COBL: variants seen among roughly 807,000 people sequenced by gnomAD.
The protein encoded by COBL is cordon-bleu WH2 repeat protein.
In COBL, 51 loss-of-function variants were observed where a neutral mutation model predicts 98.8. The observed-to-expected ratio is 0.52, with a 90% CI of 0.41 to 0.65. The LOEUF (loss-of-function observed/expected upper bound fraction) is 0.65. Ranked by LOEUF, COBL falls within the 30% of genes least tolerant of loss-of-function variation. The pLI, the probability that COBL is intolerant of heterozygous loss-of-function variation, is 0.00. For missense variants in COBL, 1,617 were observed against 1,617.5 expected, an observed-to-expected ratio of 1.00 and a Z score of 0.01; for synonymous variants, 634 against 651.7, an observed-to-expected ratio of 0.97 and a Z score of 0.41.
At chr7:51,092,387 T>C (rs1583763062) in intron 6 of COBL, among the ~76,000 whole-genome samples, 2 of 152,334 alleles carry the variant, frequency 1.3e-5, no homozygotes, top group East Asian at 3.9e-4. Flanking sequence ...CTCTATGTTT[T>C]CTTCTAGTAG....
rs550246678 is a variant in COBL at position 51,072,726 on chromosome 7, T to C, written c.1096+12440A>G. The C allele has an allele frequency of 2.0e-5, 3 of 152,270 alleles. No homozygotes were observed. The East Asian group carries it at 5.8e-4, about 29-fold the overall frequency. The allele number at this position is 152,270 out of a possible 1,614,324, so 9.4% of individuals were successfully genotyped here. ...GAGAATCATAATATAGAATAATGAA[T>C]AGAACACCCTTCTTCTCCCACTTCT... On this transcript the variant is annotated intron_variant, in intron 7 of 12. Coordinates refer to ENST00000265136, the MANE Select transcript of COBL (RefSeq NM_015198.5).
chr7:51,089,930 C>T (rs1047868915), intron 6 of COBL, among the ~76,000 whole-genome samples: 1 of 152,028 alleles, frequency 6.6e-6, no homozygotes, highest in Non-Finnish European at 1.5e-5. Flanking sequence ...AATTGATGAG[C>T]CATAATTAAC....
At position 51,114,205 on chromosome 7, in the gene COBL, G is replaced by A. The variant is rs1045514841; in HGVS notation, c.957+21953C>T. ...GCGGCCCCTCCAACACAGTCAGGAG[G>A]GGGTGACTCCTAACACAACAGCAGA... On this transcript the variant is annotated intron_variant, in intron 6 of 12. Coordinates refer to ENST00000265136, the MANE Select transcript of COBL (RefSeq NM_015198.5). 8.5e-5 allele frequency among the ~76,000 whole-genome samples: 13 copies of A among 152,154 alleles called. No individual in the cohort carries two copies. The East Asian group carries it at 2.5e-3, about 30-fold the overall frequency.
chr7:51,134,903 T>C (rs1799085018), intron 6 of COBL, among the ~76,000 whole-genome samples: 1 of 152,230 alleles, frequency 6.6e-6, no homozygotes, highest in African/African-American at 2.4e-5. Flanking sequence ...ACAGCTAATA[T>C]ATCATGAAGA....
chr7:51,125,064 C>T (rs1204605935), intron 6 of COBL, among the ~76,000 whole-genome samples: 1 of 152,190 alleles, frequency 6.6e-6, no homozygotes, highest in Non-Finnish European at 1.5e-5. Flanking sequence ...CTATCAGCCT[C>T]AGGCTCCCAA....
chr7:51,307,817 C>T (rs946969849), intron 1 of COBL, among the ~76,000 whole-genome samples: 1 of 152,148 alleles, frequency 6.6e-6, no homozygotes, highest in Non-Finnish European at 1.5e-5. Context: ...CAATTTAGAG[C>T]GTTGTCACAG....
chr7:51,264,817 T>TTGGAGTG (rs1170762309), intron 1 of COBL, among the ~76,000 whole-genome samples: 19 of 152,292 alleles, frequency 1.2e-4, no homozygotes, highest in African/African-American at 4.3e-4. Flanking sequence ...ATATACCATG[T>TTGGAGTG]TGGAGTGTAC....
In COBL at chr7:51,085,109, C is replaced by T. The variant is rs1794072087; in HGVS notation, c.1096+57G>A. ...CTGCAGGAGTTCACATCAGAGCTGACATTCCAGGACAGAGCAAGCATCCCC... is the reference window on the plus strand; with the variant it reads ...CTGCAGGAGTTCACATCAGAGCTGATATTCCAGGACAGAGCAAGCATCCCC... On this transcript the variant is annotated intron_variant, in intron 7 of 12. Coordinates refer to ENST00000265136, the MANE Select transcript of COBL (RefSeq NM_015198.5). 15 of 1,610,552 alleles carry T rather than the reference C, an allele frequency of 9.3e-6. No individual in the cohort carries two copies. The South Asian group carries it at 1.5e-4, about 17-fold the overall frequency.
intron 5 of COBL, among the ~76,000 whole-genome samples, chr7:51,160,219 A>T (rs1786651773): frequency 6.6e-6 from 1 of 152,194 alleles, no homozygotes; most frequent in African/African-American, 2.4e-5. Context: ...TAGGTATGGA[A>T]AGAACCTTAG....
In COBL at chr7:51,190,977, T is replaced by G. The variant is rs1790057900; in HGVS notation, c.558A>C (p.Ala186=). The change falls in exon 4 of 13, where the codon GCA becomes GCC. Residue 186 remains alanine (A), a synonymous_variant. Coordinates refer to ENST00000265136, the MANE Select transcript of COBL (RefSeq NM_015198.5). ...CGTGCTCTGGGCTGACCTCACACTT[T>G]GCACAAATGACTGGGAGAATATTCT... ...PLQNILPVIC[A]KCEVSPEHVV... The G allele has an allele frequency of 6.2e-7, 1 of 1,614,166 alleles. No homozygotes were observed. The highest frequency in any genetic ancestry group is 2.2e-5 in the East Asian group (1 of 44,878).
chr7:51,313,074 C>T (rs928006924), intron 1 of COBL, among the ~76,000 whole-genome samples: 1 of 152,132 alleles, frequency 6.6e-6, no homozygotes, highest in African/African-American at 2.4e-5. Flanking sequence ...TAAAGAGTAG[C>T]TCAGAAGTAA....
chr7:51,017,607 A>C, intron 12 of COBL, 39 bp from the exon 13 acceptor site: 2 of 1,611,068 alleles, frequency 1.2e-6, no homozygotes, highest in South Asian at 1.1e-5. Flanking sequence ...TGGTATGTCA[A>C]TAAGCCCAGG....
chr7:51,090,653 A>G (rs1794723544), intron 6 of COBL, among the ~76,000 whole-genome samples: 1 of 152,208 alleles, frequency 6.6e-6, no homozygotes, highest in African/African-American at 2.4e-5. Context: ...CCACAGGCAA[A>G]GGCCAGCACA....
intron 6 of COBL, among the ~76,000 whole-genome samples, chr7:51,104,306 A>G (rs1796063674): frequency 6.6e-6 from 1 of 152,172 alleles, no homozygotes; most frequent in African/African-American, 2.4e-5. Flanking sequence ...CTCTAAATAT[A>G]CTTGTATTTT....
At chr7:51,177,771 CAAA>C (rs1238520444) in intron 5 of COBL, among the ~76,000 whole-genome samples, 2 of 97,976 alleles carry the variant, frequency 2.0e-5, no homozygotes, top group African/African-American at 8.1e-5. Context: ...GACTCTGTCT[CAAA>C]AAAATAAATA....
In COBL at chr7:51,294,489, T is replaced by A. The variant is rs547879343; in HGVS notation, c.41+22104A>T. 1.5e-4 allele frequency among the ~76,000 whole-genome samples: 21 copies of A among 140,610 alleles called. No homozygotes were observed. The South Asian group carries it at 3.5e-3, about 24-fold the overall frequency. 92.2% of individuals were successfully genotyped at this position (140,610 alleles called of 152,430 possible). A position where few individuals can be genotyped will look rare whatever the true frequency, so the allele number is the denominator to read the frequency against. On this transcript the variant is annotated intron_variant, in intron 1 of 12. Transcript: ENST00000265136. ...TTCTACTAAAAATACAAAAAAAAAA[T>A]AAAAGTAGCTGGGTGTGGAGGCACA...
Position 51,027,869 on chromosome 7 carries a change from T to A in COBL, c.3227A>T (p.Asp1076Val). Residue 1076 changes from aspartate (D) to valine (V), a missense_variant, in exon 10 of 13, where the codon GAT becomes GTT. Around this residue, in one of 3 missense-constraint regions of COBL, gnomAD observed 1,304 missense variants for 1,282.0 expected, o/e 1.02. Transcript: ENST00000265136. The part of the protein sequence containing the change: ...REEKPSVFST[D>V]GNETDSIWPP... ...CCAAATACTGTCTGTTTCATTTCCA[T>A]CTGTAGAGAACACACTGGGCTTTTC... is the stretch of plus-strand genomic sequence containing the variant. The A allele has an allele frequency of 6.2e-7, 1 of 1,614,240 alleles. No individual in the cohort carries two copies. Among genetic ancestry groups the A allele is most frequent in the Non-Finnish European group, 8.5e-7 (1 of 1,180,042 alleles).
At chr7:51,140,278 G>A (rs960070437) in intron 5 of COBL, among the ~76,000 whole-genome samples, 4 of 151,886 alleles carry the variant, frequency 2.6e-5, no homozygotes, top group African/African-American at 4.8e-5. Context: ...ATTCAATGGC[G>A]CCCACCAAAG....
chr7:51,085,168 A>G lies in COBL; in HGVS notation c.1094T>C (p.Met365Thr), dbSNP rs908931679. 1 of 1,613,576 alleles carries G rather than the reference A, an allele frequency of 6.2e-7. No individual in the cohort carries two copies. Among genetic ancestry groups the G allele is most frequent in the Admixed American group, 1.7e-5 (1 of 59,984 alleles). Reference sequence around the variant, plus strand: ...ACGGCAGGCCGAGCCTCACTCACCCATCGTGCTCTTCCTGTTCTCCTCCTT... The same window carrying G: ...ACGGCAGGCCGAGCCTCACTCACCCGTCGTGCTCTTCCTGTTCTCCTCCTT... ...EDKEENRKST[M>T]VSLPLGSGSH... Residue 365 changes from methionine (M) to threonine (T), a missense_variant and splice_region_variant, in exon 7 of 13, where the codon ATG (methionine) becomes ACG (threonine). Physicochemically the swap from Met to Thr is moderately conservative, Grantham distance 81. Around this residue, in one of 3 missense-constraint regions of COBL, gnomAD observed 1,304 missense variants for 1,282.0 expected, o/e 1.02. Transcript: ENST00000265136.
Sources: allele counts gnomAD v4.1 joint callset (sites outside exome capture counted in the v4.1 genomes callset), GRCh38; gene constraint gnomAD v4.1.1; regional missense constraint gnomAD v4.1.1; transcripts MANE v1.5; gene names NCBI Gene and HGNC (gene_info 2026-07-23, HGNC 2026-07-21).